STAT5B: variants seen among roughly 807,000 people sequenced by gnomAD.
The protein encoded by STAT5B is transcription factor STAT5B.
Under a neutral mutation model 107.8 loss-of-function variants are expected in STAT5B, and 21 were observed. That is an observed-to-expected ratio of 0.19 (90% CI 0.14 to 0.28). The LOEUF (loss-of-function observed/expected upper bound fraction) is 0.28. Among genes scored for constraint, STAT5B ranks in the 10% least tolerant of loss-of-function variants. The pLI, the probability that STAT5B is intolerant of heterozygous loss-of-function variation, is 1.00. For missense variants in STAT5B, 565 were observed against 1,008.2 expected (o/e 0.56, Z 5.95); for synonymous variants, 325 against 401.7 (o/e 0.81, Z 2.28).
At chr17:42,271,165 C>T (rs180925023) in intron 1 of STAT5B, 1 of 152,210 alleles carries the variant, frequency 6.6e-6, no homozygotes, top group African/African-American at 2.4e-5. Flanking sequence ...TAATACAAAT[C>T]ATGGATGTGG....
the STAT5B span, among the ~76,000 whole-genome samples, chr17:42,286,829 G>A: frequency 3.3e-5 from 5 of 152,326 alleles, no homozygotes; most frequent in Admixed American, 6.5e-5. Context: ...TCCAGCCACC[G>A]ACAGGCTGCA....
At chr17:42,241,655 C>G (rs1198820016) in intron 1 of STAT5B, among the ~76,000 whole-genome samples, 1 of 152,040 alleles carries the variant, frequency 6.6e-6, no homozygotes, top group African/African-American at 2.4e-5. Flanking sequence ...GTTGGCCAGG[C>G]TGGTCTTGAA....
chr17:42,217,752 GATCTCAGCTCACTGCA>G (rs895202329), intron 9 of STAT5B: 27 of 469,802 alleles, frequency 5.7e-5, no homozygotes, highest in Middle Eastern at 6.1e-4. Context: ...GCAGTGGCGT[GATCTCAGCTCACTGCA>G]ATCTCAGCTC....
chr17:42,207,680 G>A lies in STAT5B; in HGVS notation c.1955C>T (p.Ser652Phe). 1.2e-6 allele frequency: 2 copies of A among 1,614,158 alleles called. No homozygotes were observed. Among genetic ancestry groups the A allele is most frequent in the Non-Finnish European group, 1.7e-6 (2 of 1,180,042 alleles). The change falls in exon 16 of 19, where the codon TCC (serine) becomes TTC (phenylalanine). Residue 652 changes from serine (S) to phenylalanine (F), a missense_variant. Around this residue, in one of 11 missense-constraint regions of STAT5B, gnomAD observed 38 missense variants for 79.5 expected, o/e 0.48. Coordinates refer to ENST00000293328, the MANE Select transcript of STAT5B (RefSeq NM_012448.4). ...CAAGCGGTCGGCTAGGGACCGAATG[G>A]AGAAGTCTCTGGTGGTAAAAGGCAT... ...NLMPFTTRDF[S>F]IRSLADRLGD...
rs779603963 is a variant in STAT5B, at chr17:42,218,817, G to T, written c.895C>A (p.Leu299Ile). 2 of 1,613,268 alleles carry T rather than the reference G, an allele frequency of 1.2e-6. No homozygotes were observed. Among genetic ancestry groups the T allele is most frequent in the Non-Finnish European group, 8.5e-7 (1 of 1,179,722 alleles). The part of the protein sequence containing the change: ...NRQQIRRAEH[L>I]CQQLPIPGPV... Reference sequence around the variant, plus strand: ...CCGGGGATGGGCAGCTGCTGGCAGAGGTGCTCAGCCCTGCGGATCTGCTGC... The same window carrying T: ...CCGGGGATGGGCAGCTGCTGGCAGATGTGCTCAGCCCTGCGGATCTGCTGC... Residue 299 changes from leucine to isoleucine, a missense_variant, in exon 8 of 19, where the codon CTC (leucine) becomes ATC (isoleucine). Transcript: ENST00000293328.
At chr17:42,267,310 C>T (rs1274555199) in intron 1 of STAT5B, among the ~76,000 whole-genome samples, 2 of 151,914 alleles carry the variant, frequency 1.3e-5, no homozygotes, top group Non-Finnish European at 2.9e-5. Flanking sequence ...AACTGTAAAA[C>T]AGCCTCAGGC....
intron 1 of STAT5B, among the ~76,000 whole-genome samples, chr17:42,257,255 C>T (rs2080553893): frequency 1.3e-5 from 2 of 152,260 alleles, no homozygotes; most frequent in South Asian, 4.1e-4. Flanking sequence ...TTCTTCTTCT[C>T]TTTATTTCTG....
chr17:42,214,242 A>C (rs572633736), intron 12 of STAT5B: 2 of 985,360 alleles, frequency 2.0e-6, no homozygotes, highest in South Asian at 4.7e-5. Flanking sequence ...ATACTTGAGT[A>C]ATTACATGGT....
intron 16 of STAT5B, 69 bp downstream of exon 16, chr17:42,207,489 A>ACG: frequency 1.3e-4 from 3 of 22,972 alleles, no homozygotes; most frequent in East Asian, 6.5e-3. Context: ...GCAGGTATGC[A>ACG]CACACACACA....
intron 9 of STAT5B, 106 bp downstream of exon 9, chr17:42,218,045 G>C: frequency 6.5e-7 from 1 of 1,536,066 alleles, no homozygotes; most frequent in Middle Eastern, 1.7e-4. Context: ...GCCCAGAAGA[G>C]GCCAGAAGGG....
chr17:42,218,354 G>A (rs752033332), intron 8 of STAT5B, 24 bp from the exon 9 acceptor site: 159 of 1,608,700 alleles, frequency 9.9e-5, no homozygotes, highest in Admixed American at 2.0e-4. Flanking sequence ...AGGGACAGAT[G>A]CATGATGAGG....
intron 5 of STAT5B, among the ~76,000 whole-genome samples, chr17:42,221,301 C>T (rs1598305406): frequency 6.6e-6 from 1 of 151,384 alleles, no homozygotes; most frequent in South Asian, 2.1e-4. Flanking sequence ...ACACCTGGGC[C>T]CAGCCTTCCT....
intron 1 of STAT5B, among the ~76,000 whole-genome samples, chr17:42,273,350 T>A (rs1375405082): frequency 6.6e-6 from 1 of 152,216 alleles, no homozygotes; most frequent in African/African-American, 2.4e-5. Context: ...ATTATTTTTA[T>A]TAAGTTGCAC....
At chr17:42,225,024 C>T (rs1222493581) in intron 3 of STAT5B, among the ~76,000 whole-genome samples, 156 bp from the exon 4 acceptor site, 1 of 152,082 alleles carries the variant, frequency 6.6e-6, no homozygotes, top group Admixed American at 6.6e-5. Context: ...TCATGGAAAT[C>T]CAATTGCAGT....
intron 15 of STAT5B, among the ~76,000 whole-genome samples, chr17:42,208,044 G>A (rs948497922): frequency 1.6e-4 from 24 of 152,048 alleles, no homozygotes; most frequent in Admixed American, 1.1e-3. Flanking sequence ...ACAGGCACGC[G>A]CCACCACACC....
chr17:42,202,422 C>T lies in STAT5B; in HGVS notation c.2155G>A (p.Gly719Arg), dbSNP rs1269922038. The change falls in exon 18 of 19, where the codon GGG (glycine) becomes AGG (arginine). Residue 719 changes from glycine (G) to arginine (R), a missense_variant. Coordinates refer to ENST00000293328, the MANE Select transcript of STAT5B (RefSeq NM_012448.4). ...PEFVNASADA[G>R]GGSATYMDQA... ...TCCATGTACGTGGCGCTGCCGCCCCCGGCATCTGCAGATGCGTTCACAAAC... is the reference window on the plus strand; with the variant it reads ...TCCATGTACGTGGCGCTGCCGCCCCTGGCATCTGCAGATGCGTTCACAAAC... 9 of 1,614,074 alleles carry T rather than the reference C, an allele frequency of 5.6e-6. No individual in the cohort carries two copies. Among genetic ancestry groups the T allele is most frequent in the African/African-American group, 4.0e-5 (3 of 74,928 alleles).
At chr17:42,217,130 C>G in intron 11 of STAT5B, 30 bp downstream of exon 11, 1 of 1,600,336 alleles carries the variant, frequency 6.2e-7, no homozygotes, top group Non-Finnish European at 8.5e-7. Flanking sequence ...CACACGCACA[C>G]GCACACGCAG....
chr17:42,207,836 T>C (rs764610705), intron 15 of STAT5B, 108 bp from the exon 16 acceptor site: 5 of 1,089,974 alleles, frequency 4.6e-6, no homozygotes, highest in Middle Eastern at 2.7e-4. Flanking sequence ...ATGGCTCCAA[T>C]AGAAATCTCC....
At chr17:42,210,847 T>TA (rs1434580961) in intron 13 of STAT5B, among the ~76,000 whole-genome samples, 1 of 151,986 alleles carries the variant, frequency 6.6e-6, no homozygotes, top group Non-Finnish European at 1.5e-5. Context: ...GGCTCCAAAT[T>TA]AAACATTTAA....
Sources: allele counts gnomAD v4.1 joint callset (sites outside exome capture counted in the v4.1 genomes callset), GRCh38; gene constraint gnomAD v4.1.1; regional missense constraint gnomAD v4.1.1; transcripts MANE v1.5; gene names NCBI Gene and HGNC (gene_info 2026-07-23, HGNC 2026-07-21).